CAMK2D: variants seen among roughly 807,000 people sequenced by gnomAD.
CAMK2D encodes calcium/calmodulin-dependent protein kinase type II subunit delta.
Under a neutral mutation model 84.0 loss-of-function variants are expected in CAMK2D, and 37 were observed. The ratio of observed to expected loss-of-function variants is 0.44; its 90% confidence interval spans 0.34 to 0.58. CAMK2D has a LOEUF of 0.58. CAMK2D is among the 20% of genes least tolerant of loss of function. The pLI is 0.02. For synonymous variants in CAMK2D, 202 were observed against 212.5 expected, an observed-to-expected ratio of 0.95 and a Z score of 0.43; for missense variants, 448 against 652.5, an observed-to-expected ratio of 0.69 and a Z score of 3.41.
intron 6 of CAMK2D, among the ~76,000 whole-genome samples, chr4:113,538,943 GGATTT>G (rs2098511750): frequency 6.6e-6 from 1 of 152,046 alleles, no homozygotes; most frequent in Non-Finnish European, 1.5e-5. Context: ...GGGCTGATAG[GGATTT>G]TTAACCACCT....
intron 2 of CAMK2D, among the ~76,000 whole-genome samples, chr4:113,705,829 C>A (rs1424586483): frequency 6.6e-6 from 1 of 152,080 alleles, no homozygotes; most frequent in African/African-American, 2.4e-5. Context: ...GTAATGTATG[C>A]ATCAAGAATG....
rs1465998634 is a variant in CAMK2D at position 113,477,391 on chromosome 4, C to G, written c.1136-11787G>C. On this transcript the variant is annotated intron_variant, in intron 16 of 20. Transcript: ENST00000511664. ...TTGGTACTGTATAATCAGTTTAGCT[C>G]TGGGATATTTGCCTCTAAATTCAGC... Among the ~76,000 whole-genome samples the G allele has an allele frequency of 2.6e-5, 4 of 152,124 alleles. No homozygotes were observed. The South Asian group carries it at 8.3e-4, about 32-fold the overall frequency.
chr4:113,601,375 T>C (rs1413633734), intron 4 of CAMK2D, among the ~76,000 whole-genome samples: 1 of 152,146 alleles, frequency 6.6e-6, no homozygotes, highest in Non-Finnish European at 1.5e-5. Context: ...AAATCATTAA[T>C]TGTTTTATTA....
At chr4:113,470,290 C>T (rs954604210) in intron 16 of CAMK2D, among the ~76,000 whole-genome samples, 1 of 149,114 alleles carries the variant, frequency 6.7e-6, no homozygotes, top group Admixed American at 6.6e-5. Flanking sequence ...GAAAACTGCA[C>T]CCCCCCCATT....
intron 4 of CAMK2D, among the ~76,000 whole-genome samples, chr4:113,601,118 G>T (rs1288322213): frequency 4.6e-5 from 7 of 152,254 alleles, no homozygotes; most frequent in South Asian, 2.1e-4. Context: ...TAACTAAAGA[G>T]TCTTTAGGAG....
rs1187470839 is a variant in CAMK2D, at chr4:113,515,115, G to T, written c.773C>A (p.Ala258Asp). The T allele has an allele frequency of 6.2e-7, 1 of 1,613,118 alleles. No homozygotes were observed. Among genetic ancestry groups the T allele is most frequent in the Non-Finnish European group, 8.5e-7 (1 of 1,179,242 alleles). Reference protein sequence around the residue: ...LINKMLTINPAKRITASEALK... With the variant: ...LINKMLTINPDKRITASEALK... ...TGCCTCTGAGGCTGTGATGCGTTTG[G>T]CAGGGTTGATAGTAAGCATTTTATT... The change falls in exon 10 of 21, where the codon GCC (alanine) becomes GAC (aspartate). Residue 258 changes from alanine (A) to aspartate (D), a missense_variant. Ala to Asp is a moderately radical substitution (Grantham distance 126, BLOSUM62 -2). Transcript: ENST00000511664.
chr4:113,730,146 T>C (rs572566366), intron 2 of CAMK2D, among the ~76,000 whole-genome samples: 154 of 152,344 alleles, frequency 1.0e-3, no homozygotes, highest in African/African-American at 3.7e-3. Context: ...ACAGTAAGTG[T>C]TCAACAAAGT....
chr4:113,715,700 T>C (rs1463916583), intron 2 of CAMK2D, among the ~76,000 whole-genome samples: 1 of 152,180 alleles, frequency 6.6e-6, no homozygotes, highest in African/African-American at 2.4e-5. Flanking sequence ...TAGTTTTGAC[T>C]CTGAGATATC....
Position 113,523,772 on chromosome 4 carries a change from GAAATAAAT to G in CAMK2D, c.602-6123_602-6116del, listed in dbSNP as rs201909658. Among the ~76,000 whole-genome samples the G allele has an allele frequency of 3.7e-3, 565 of 151,134 alleles. 3 individuals are homozygous for G. Among genetic ancestry groups the G allele is most frequent in the African/African-American group, 0.013 (534 of 41,278 alleles). On this transcript the variant is annotated intron_variant, in intron 8 of 20. Transcript: ENST00000511664. ...GGGCAACAGAGCCAGACCCTGTCTC[GAAATAAAT>G]AAATAAATAAATAAATAAACAAACA...
At chr4:113,457,683 G>A in intron 18 of CAMK2D, 120 bp from the exon 19 acceptor site, 1 of 717,398 alleles carries the variant, frequency 1.4e-6, no homozygotes, top group South Asian at 1.8e-5. Flanking sequence ...TAATTAATTA[G>A]TTAATTAATC....
At chr4:113,643,694 C>T (rs1044480114) in intron 3 of CAMK2D, among the ~76,000 whole-genome samples, 1 of 152,184 alleles carries the variant, frequency 6.6e-6, no homozygotes, top group Non-Finnish European at 1.5e-5. Flanking sequence ...AGACTTTCCT[C>T]CCACCGACCA....
intron 4 of CAMK2D, among the ~76,000 whole-genome samples, chr4:113,575,637 C>T (rs2098777420): frequency 6.6e-6 from 1 of 152,118 alleles, no homozygotes; most frequent in Admixed American, 6.6e-5. Context: ...TCATTTAAAC[C>T]CTCAGTCAGT....
intron 13 of CAMK2D, among the ~76,000 whole-genome samples, chr4:113,505,851 C>T (rs188734241): frequency 6.6e-6 from 1 of 152,234 alleles, no homozygotes; most frequent in East Asian, 1.9e-4. Context: ...TAACGGTCCA[C>T]AGAGAAGACT....
intron 2 of CAMK2D, among the ~76,000 whole-genome samples, chr4:113,688,276 T>A (rs1405867510): frequency 6.6e-6 from 1 of 152,188 alleles, no homozygotes; most frequent in Admixed American, 6.5e-5. Context: ...CAGAATTTCA[T>A]CTGGTACTAA....
intron 2 of CAMK2D, among the ~76,000 whole-genome samples, chr4:113,723,470 C>T (rs1158938033): frequency 6.6e-6 from 1 of 152,060 alleles, no homozygotes; most frequent in Non-Finnish European, 1.5e-5. Context: ...GTGATCTGCC[C>T]GCCTTGGCCA....
chr4:113,606,244 G>A (rs28813213), intron 4 of CAMK2D, among the ~76,000 whole-genome samples: 5,657 of 152,204 alleles, frequency 0.037, 341 homozygotes, highest in African/African-American at 0.13. Flanking sequence ...GCAGAGGCAG[G>A]CAGATCACGA....
chr4:113,491,988 TC>T, intron 16 of CAMK2D, among the ~76,000 whole-genome samples: 1 of 152,330 alleles, frequency 6.6e-6, no homozygotes, highest in East Asian at 1.9e-4. Context: ...GGTGGTGATA[TC>T]CCCTTTATCA....
At chr4:113,535,678 T>C (rs924701380) in intron 7 of CAMK2D, among the ~76,000 whole-genome samples, 5 of 152,234 alleles carry the variant, frequency 3.3e-5, no homozygotes, top group Non-Finnish European at 7.3e-5. Flanking sequence ...AGCCTTTCCA[T>C]GTGCAGATCC....
intron 2 of CAMK2D, among the ~76,000 whole-genome samples, chr4:113,713,211 T>A (rs12644009): frequency 6.6e-6 from 1 of 151,560 alleles, no homozygotes; most frequent in African/African-American, 2.4e-5. Context: ...GGCCTACTTA[T>A]ACACAATTGT....
Sources: allele counts gnomAD v4.1 joint callset (sites outside exome capture counted in the v4.1 genomes callset), GRCh38; gene constraint gnomAD v4.1.1; transcripts MANE v1.5; gene names NCBI Gene and HGNC (gene_info 2026-07-23, HGNC 2026-07-21).